The following RBBP6 variants were observed in gnomAD, a reference collection of about 807,000 sequenced individuals.
RBBP6 encodes the protein E3 ubiquitin-protein ligase RBBP6.
RBBP6 carries 25 observed loss-of-function variants against 167.7 expected under a neutral mutation model. The observed-to-expected ratio is 0.15, with a 90% CI of 0.11 to 0.21. RBBP6 has a LOEUF of 0.21. RBBP6 is among the 10% of genes least tolerant of loss of function. The pLI, the probability that RBBP6 is intolerant of heterozygous loss-of-function variation, is 1.00. For synonymous variants in RBBP6, 789 were observed against 735.8 expected (o/e 1.07, Z -1.17); for missense variants, 1,868 against 2,134.2 (o/e 0.88, Z 2.46).
intron 7 of RBBP6, among the ~76,000 whole-genome samples, chr16:24,559,202 T>A (rs370889681): frequency 4.6e-5 from 7 of 152,370 alleles, no homozygotes; most frequent in East Asian, 3.9e-4. Flanking sequence ...AATAGAACTT[T>A]ATGGCACAGA....
In RBBP6 at chr16:24,570,885, A is replaced by G; in HGVS notation, c.3819A>G (p.Ser1273=). The G allele has an allele frequency of 6.6e-7, 1 of 1,514,850 alleles. No homozygotes were observed. Among genetic ancestry groups the G allele is most frequent in the Admixed American group, 2.0e-5 (1 of 48,942 alleles). The allele number at this position is 1,514,850 out of a possible 1,614,324, so 93.8% of individuals were successfully genotyped here. Residue 1273 remains serine, a synonymous_variant, in exon 18 of 18, where the codon TCA becomes TCG. Coordinates refer to ENST00000319715, the MANE Select transcript of RBBP6 (RefSeq NM_006910.5). The part of the protein sequence containing the change: ...STLVDYTSTS[S]TGGSPVRKSE... ...TTGTTATTCTTTTTAGTACGAGCTC[A>G]ACTGGAGGCAGTCCTGTGCGGAAAT...
Position 24,569,133 on chromosome 16 carries a change from A to G in RBBP6, c.2443A>G (p.Ser815Gly). Residue 815 changes from serine to glycine, a missense_variant, in exon 17 of 18, where the codon AGT becomes GGT. Ser to Gly is a moderately conservative substitution (Grantham distance 56). This residue lies in a region of RBBP6 where 673 missense variants were observed against 691.5 expected (regional missense o/e 0.97). Coordinates refer to ENST00000319715, the MANE Select transcript of RBBP6 (RefSeq NM_006910.5). The part of the protein sequence containing the change: ...PYDMKAYYGR[S>G]VDFRDPFEKE... ...TGACATGAAAGCATATTATGGGAGA[A>G]GTGTTGACTTTAGAGACCCATTTGA... is the stretch of plus-strand genomic sequence containing the variant. 6.2e-7 allele frequency: 1 copy of G among 1,612,818 alleles called. No individual in the cohort carries two copies. The highest frequency in any genetic ancestry group is 8.5e-7 in the Non-Finnish European group (1 of 1,179,648).
Position 24,571,118 on chromosome 16 carries a change from A to G in RBBP6, c.4052A>G (p.Asn1351Ser). Residue 1351 changes from asparagine to serine, a missense_variant, in exon 18 of 18, where the codon AAT (asparagine) becomes AGT (serine). Asn to Ser is a conservative substitution (Grantham distance 46). This residue lies in a region of RBBP6 where 591 missense variants were observed against 540.5 expected (regional missense o/e 1.09). Coordinates refer to ENST00000319715, the MANE Select transcript of RBBP6 (RefSeq NM_006910.5). ...SVGKPASVIK[N>S]VSTKPSNIVK... ...GGAAAACCTGCTAGTGTTATAAAAA[A>G]TGTTAGTACAAAGCCATCAAATATA... is the stretch of plus-strand genomic sequence containing the variant. 1 of 1,613,088 alleles carries G rather than the reference A, an allele frequency of 6.2e-7. No individual in the cohort carries two copies. Among genetic ancestry groups the G allele is most frequent in the Non-Finnish European group, 8.5e-7 (1 of 1,179,448 alleles).
intron 16 of RBBP6, among the ~76,000 whole-genome samples, chr16:24,568,311 TA>T (rs1899242008): frequency 6.6e-6 from 1 of 152,202 alleles, no homozygotes; most frequent in Admixed American, 6.5e-5. Context: ...AAGTGAATTA[TA>T]AAAATTCCCT....
chr16:24,540,589 C>A lies in RBBP6; in HGVS notation c.-38C>A. 1 of 1,571,792 alleles carries A rather than the reference C, an allele frequency of 6.4e-7. No individual in the cohort carries two copies. The highest frequency in any genetic ancestry group is 8.7e-7 in the Non-Finnish European group (1 of 1,149,746). ...TAAATATACGTATATTGAGAGTGTC[C>A]ACGTCTCCTCGCTGAACCTTAGGAA... On this transcript the variant is annotated 5_prime_UTR_variant, in exon 1 of 18. Transcript: ENST00000319715.
At chr16:24,541,415 T>A (rs1596496721) in intron 1 of RBBP6, among the ~76,000 whole-genome samples, 1 of 152,200 alleles carries the variant, frequency 6.6e-6, no homozygotes, top group Non-Finnish European at 1.5e-5. Flanking sequence ...TTGTCTTGTG[T>A]GTCAATTCCA....
At chr16:24,551,212 C>T (rs552906410) in intron 3 of RBBP6, among the ~76,000 whole-genome samples, 1 of 151,936 alleles carries the variant, frequency 6.6e-6, no homozygotes. Context: ...CTTCCCAAAA[C>T]AAGACCCCTA....
chr16:24,570,860 T>G lies in RBBP6; in HGVS notation c.3810-16T>G, dbSNP rs1328447614. On this transcript the variant is annotated splice_polypyrimidine_tract_variant and intron_variant, in intron 17 of 17. Coordinates refer to ENST00000319715, the MANE Select transcript of RBBP6 (RefSeq NM_006910.5). ...AAATTCTTCATTAATTAAAAATATTTTGTTATTCTTTTTAGTACGAGCTCA... is the reference window on the plus strand; with the variant it reads ...AAATTCTTCATTAATTAAAAATATTGTGTTATTCTTTTTAGTACGAGCTCA... 1.4e-6 allele frequency: 2 copies of G among 1,420,262 alleles called. No individual in the cohort carries two copies. The highest frequency in any genetic ancestry group is 1.5e-5 in the African/African-American group (1 of 68,756). 88.0% of individuals were successfully genotyped at this position (1,420,262 alleles called of 1,614,324 possible). A position where few individuals can be genotyped will look rare whatever the true frequency, so the allele number is the denominator to read the frequency against.
Position 24,569,844 on chromosome 16 carries a change from T to A in RBBP6, c.3154T>A (p.Ser1052Thr), listed in dbSNP as rs1184991110. The change falls in exon 17 of 18, where the codon TCT (serine) becomes ACT (threonine). Residue 1052 changes from serine to threonine, a missense_variant. Ser to Thr is a moderately conservative substitution (Grantham distance 58). This residue lies in a region of RBBP6 where 673 missense variants were observed against 691.5 expected (regional missense o/e 0.97). Transcript: ENST00000319715. Reference protein sequence around the residue: ...QEKVDGERERSPRSEPPIKKA... With the variant: ...QEKVDGERERTPRSEPPIKKA... The stretch of plus-strand genomic sequence containing the variant: ...AAAAGTAGATGGAGAACGTGAGAGA[T>A]CTCCTCGATCTGAACCTCCAATTAA... 3 of 1,610,174 alleles carry A rather than the reference T, an allele frequency of 1.9e-6. No individual in the cohort carries two copies. Among genetic ancestry groups the A allele is most frequent in the Admixed American group, 1.7e-5 (1 of 59,058 alleles).
Position 24,572,708 on chromosome 16 carries a change from TTACTG to T in RBBP6, c.*266_*270del, listed in dbSNP as rs775745618. ...CACCATTAATTAGTTGGGGTGGAGT[TTACTG>T]TAATGTGAAATTTTCACATTTGAAT... On this transcript the variant is annotated 3_prime_UTR_variant, in exon 18 of 18. Transcript: ENST00000319715. 10 of 326,786 alleles carry T rather than the reference TTACTG, an allele frequency of 3.1e-5. No homozygotes were observed. Among genetic ancestry groups the T allele is most frequent in the South Asian group, 8.1e-5 (1 of 12,342 alleles). The allele number at this position is 326,786 out of a possible 1,614,324, so 20.2% of individuals were successfully genotyped here. A position where few individuals can be genotyped will look rare whatever the true frequency, so the allele number is the denominator to read the frequency against.
intron 3 of RBBP6, among the ~76,000 whole-genome samples, chr16:24,550,968 A>C (rs1299009612): frequency 6.6e-6 from 1 of 151,858 alleles, no homozygotes; most frequent in South Asian, 2.1e-4. Flanking sequence ...GCTAAGCCAA[A>C]TTTTTCTTAT....
chr16:24,549,151 C>T lies in RBBP6; in HGVS notation c.303+170C>T, dbSNP rs566425324. ...TGAATATGGATAATATGTGGCATCA[C>T]TTGCACACTTATTTTGTAGAAATGG... On this transcript the variant is annotated intron_variant, in intron 3 of 17. Transcript: ENST00000319715. 5 of 1,453,662 alleles carry T rather than the reference C, an allele frequency of 3.4e-6. No individual in the cohort carries two copies. The Admixed American group carries it at 1.3e-4, about 38-fold the overall frequency. 90.0% of individuals were successfully genotyped at this position (1,453,662 alleles called of 1,614,324 possible).
intron 1 of RBBP6, among the ~76,000 whole-genome samples, chr16:24,545,513 G>T (rs1898622444): frequency 6.6e-6 from 1 of 151,832 alleles, no homozygotes; most frequent in South Asian, 2.1e-4. Context: ...ATTTTCTTAG[G>T]CTCTTCAAGC....
rs1048898121 is a variant in RBBP6, at chr16:24,569,907, A to G, written c.3217A>G (p.Lys1073Glu). The G allele has an allele frequency of 3.1e-6, 5 of 1,610,474 alleles. No individual in the cohort carries two copies. The African/African-American group carries it at 4.0e-5, about 13-fold the overall frequency. Residue 1073 changes from lysine (K) to glutamate (E), a missense_variant, in exon 17 of 18, where the codon AAA becomes GAA. Transcript: ENST00000319715. ...GGAGACTCCGAAGACTGACAATACT[A>G]AATCATCATCTTCCTCTCAGAAGGA... ...KEETPKTDNT[K>E]SSSSSQKDEK...
intron 2 of RBBP6, among the ~76,000 whole-genome samples, chr16:24,547,948 T>A (rs1443386032): frequency 6.6e-6 from 1 of 152,196 alleles, no homozygotes; most frequent in African/African-American, 2.4e-5. Flanking sequence ...TAATGTACAA[T>A]ATATAGGGTT....
chr16:24,571,721 A>G lies in RBBP6; in HGVS notation c.4655A>G (p.Lys1552Arg). Residue 1552 changes from lysine to arginine, a missense_variant, in exon 18 of 18, where the codon AAA (lysine) becomes AGA (arginine). By Grantham distance (26) the Lys-to-Arg change is conservative. Coordinates refer to ENST00000319715, the MANE Select transcript of RBBP6 (RefSeq NM_006910.5). ...GATCACAAAGCCACTTATGATACTA[A>G]ACGGCCAAATGAAGAGACAAAATCT... ...PHDHKATYDT[K>R]RPNEETKSVD... 1 of 1,614,212 alleles carries G rather than the reference A, an allele frequency of 6.2e-7. No homozygotes were observed. The highest frequency in any genetic ancestry group is 2.2e-5 in the East Asian group (1 of 44,868).
At chr16:24,562,271 A>T in intron 10 of RBBP6, 110 bp downstream of exon 10, 1 of 993,776 alleles carries the variant, frequency 1.0e-6, no homozygotes, top group South Asian at 1.6e-5. Context: ...TGTGCTCAGT[A>T]ATGTGGGATG....
rs894133211 is a variant in RBBP6, at chr16:24,540,413, C to G, written c.-214C>G. On this transcript the variant is annotated 5_prime_UTR_variant, in exon 1 of 18. Transcript: ENST00000319715. Reference sequence around the variant, plus strand: ...TCTTCCCCGTCCTCGTCCTCCTCCTCCCCCATGAAGTGATTCTGAGTATCG... The same window carrying G: ...TCTTCCCCGTCCTCGTCCTCCTCCTGCCCCATGAAGTGATTCTGAGTATCG... 2 of 437,028 alleles carry G rather than the reference C, an allele frequency of 4.6e-6. No homozygotes were observed. The highest frequency in any genetic ancestry group is 8.1e-6 in the Non-Finnish European group (2 of 245,758). 27.1% of individuals were successfully genotyped at this position (437,028 alleles called of 1,614,324 possible). A position where few individuals can be genotyped will look rare whatever the true frequency, so the allele number is the denominator to read the frequency against.
intron 6 of RBBP6, 76 bp from the exon 7 acceptor site, chr16:24,556,232 A>G: frequency 1.6e-6 from 2 of 1,226,806 alleles, no homozygotes; most frequent in Non-Finnish European, 2.3e-6. Context: ...TAAGCACTGT[A>G]TAACATTAGC....
Sources: gnomAD v4.1 joint callset for allele counts (sites outside exome capture counted in the v4.1 genomes callset) on GRCh38, gnomAD v4.1.1 for gene constraint, gnomAD v4.1.1 regional missense constraint, MANE v1.5 for transcripts, NCBI Gene and HGNC (gene_info 2026-07-23, HGNC 2026-07-21) for gene names.